The following MUC5B variants were observed in gnomAD, a reference collection of about 807,000 sequenced individuals.
MUC5B encodes mucin 5B, oligomeric mucus/gel-forming.
In MUC5B, 116 loss-of-function variants were observed where a neutral mutation model predicts 376.9. That is an observed-to-expected ratio of 0.31 (90% CI 0.26 to 0.36). MUC5B has a LOEUF of 0.36. Ranked by LOEUF, MUC5B falls within the 10% of genes least tolerant of loss-of-function variation. The pLI is 1.00. For synonymous variants in MUC5B, 3,517 were observed against 3,390.9 expected (o/e 1.04, Z -1.29); for missense variants, 7,165 against 7,769.9 (o/e 0.92, Z 2.93).
chr11:1,250,576 A>T lies in MUC5B; in HGVS notation c.13696A>T (p.Thr4566Ser). Residue 4566 changes from threonine (T) to serine (S), a missense_variant, in exon 31 of 49, where the codon ACC (threonine) becomes TCC (serine). By Grantham distance (58) the Thr-to-Ser change is moderately conservative. This residue lies in a region of MUC5B where 730 missense variants were observed against 592.7 expected (regional missense o/e 1.23). Coordinates refer to ENST00000529681, the MANE Select transcript of MUC5B (RefSeq NM_002458.3). ...PETVHTSTVLTATATTTGATG... is the reference protein window; with the variant it reads ...PETVHTSTVLSATATTTGATG... ...GACTGTCCACACCTCCACAGTGCTT[A>T]CCGCCACGGCCACCACAACCGGGGC... is the stretch of plus-strand genomic sequence containing the variant. The T allele has an allele frequency of 6.2e-7, 1 of 1,613,292 alleles. No homozygotes were observed. Among genetic ancestry groups the T allele is most frequent in the Non-Finnish European group, 8.5e-7 (1 of 1,179,778 alleles).
At chr11:1,231,325 T>G in intron 13 of MUC5B, 98 bp from the exon 14 acceptor site, 1 of 1,389,014 alleles carries the variant, frequency 7.2e-7, no homozygotes, top group Non-Finnish European at 9.6e-7. Context: ...CTCCCGGGTC[T>G]CAGTGGGGTG....
Position 1,227,742 on chromosome 11 carries a change from G to T in MUC5B, c.735G>T (p.Pro245=), listed in dbSNP as rs377758054. 1.4e-6 allele frequency: 1 copy of T among 721,120 alleles called. No homozygotes were observed. The highest frequency in any genetic ancestry group is 1.5e-5 in the South Asian group (1 of 67,822). The allele number at this position is 721,120 out of a possible 1,614,324, so 44.7% of individuals were successfully genotyped here. A position where few individuals can be genotyped will look rare whatever the true frequency, so the allele number is the denominator to read the frequency against. The change falls in exon 7 of 49, where the codon CCG becomes CCT. Residue 245 remains proline (P), a synonymous_variant. Coordinates refer to ENST00000529681, the MANE Select transcript of MUC5B (RefSeq NM_002458.3). ...TGGATGGGCCCACGGAGCAGTGCCC[G>T]GACCCGCTGCCCTTGCCGGCCGGCA... is the stretch of plus-strand genomic sequence containing the variant. ...QKLDGPTEQC[P]DPLPLPAGNC...
chr11:1,237,465 C>A (rs2133819261), intron 25 of MUC5B, among the ~76,000 whole-genome samples: 1 of 152,346 alleles, frequency 6.6e-6, no homozygotes, highest in East Asian at 1.9e-4. Context: ...TAGCCACCCT[C>A]CTCTATGATC....
rs370840771 is a variant in MUC5B at position 1,260,753 on chromosome 11, C to G, written c.17069+25C>G. On this transcript the variant is annotated intron_variant, in intron 48 of 48. Transcript: ENST00000529681. ...AGTGAGTGGGCTCCTGGCCCTGTGCCAAGAGCACCTGCGTGTGGTGGGTCC... is the reference window on the plus strand; with the variant it reads ...AGTGAGTGGGCTCCTGGCCCTGTGCGAAGAGCACCTGCGTGTGGTGGGTCC... The G allele has an allele frequency of 1.5e-5, 24 of 1,555,526 alleles. No homozygotes were observed. The African/African-American group carries it at 2.0e-4, about 13-fold the overall frequency.
At position 1,243,087 on chromosome 11, in the gene MUC5B, G is replaced by C. The variant is rs369350623; in HGVS notation, c.6207G>C (p.Thr2069=). The C allele has an allele frequency of 2.0e-5, 32 of 1,611,026 alleles. No homozygotes were observed. Among genetic ancestry groups the C allele is most frequent in the African/African-American group, 1.9e-4 (14 of 74,422 alleles). Residue 2069 remains threonine (T), a synonymous_variant, in exon 31 of 49, where the codon ACG becomes ACC. Coordinates refer to ENST00000529681, the MANE Select transcript of MUC5B (RefSeq NM_002458.3). ...FTATPSSSPG[T]ALTPPVWIST... ...CCACCCCCTCCTCCAGCCCAGGGAC[G>C]GCACTCACGCCTCCAGTGTGGATCA...
Position 1,233,156 on chromosome 11 carries a change from G to A in MUC5B, c.2209G>A (p.Gly737Ser). The A allele has an allele frequency of 1.2e-6, 2 of 1,606,578 alleles. No individual in the cohort carries two copies. Among genetic ancestry groups the A allele is most frequent in the Non-Finnish European group, 1.7e-6 (2 of 1,179,336 alleles). ...TGTGGACGGCTGCACCTGCCCCGCG[G>A]GCACCTTCCTCAATGACGCGGGCGC... ...VPVDGCTCPA[G>S]TFLNDAGACV... is the part of the protein sequence containing the mutation. Residue 737 changes from glycine to serine, a missense_variant, in exon 18 of 49, where the codon GGC becomes AGC. Physicochemically the swap from Gly to Ser is moderately conservative, Grantham distance 56 (BLOSUM62 0). Around this residue, in one of 31 missense-constraint regions of MUC5B, gnomAD observed 530 missense variants for 604.0 expected, o/e 0.88. Transcript: ENST00000529681.
rs1352422943 is a variant in MUC5B, at chr11:1,246,905, C to T, written c.10025C>T (p.Thr3342Ile). The change falls in exon 31 of 49, where the codon ACC (threonine) becomes ATC (isoleucine). Residue 3342 changes from threonine to isoleucine, a missense_variant. Coordinates refer to ENST00000529681, the MANE Select transcript of MUC5B (RefSeq NM_002458.3). ...ATCAGCACAACCACCACACCCACAA[C>T]CAGAGGCTCCACGGTGACCCCCTCC... The part of the protein sequence containing the change: ...VWISTTTTPT[T>I]RGSTVTPSSI... The T allele has an allele frequency of 3.7e-6, 6 of 1,611,004 alleles. No homozygotes were observed. In the Admixed American group the frequency reaches 6.7e-5, roughly 18 times the overall value.
In MUC5B at chr11:1,250,487, G is replaced by A. The variant is rs542344827; in HGVS notation, c.13607G>A (p.Arg4536His). Residue 4536 changes from arginine (R) to histidine (H), a missense_variant, in exon 31 of 49, where the codon CGC becomes CAC. Transcript: ENST00000529681. ...TCCTCCCTGGGCACCACCTGGACCCGCCTATCACAGACCACCACACCCACG... is the reference window on the plus strand; with the variant it reads ...TCCTCCCTGGGCACCACCTGGACCCACCTATCACAGACCACCACACCCACG... Reference protein sequence around the residue: ...PSSSLGTTWTRLSQTTTPTAT... With the variant: ...PSSSLGTTWTHLSQTTTPTAT... 5.6e-5 allele frequency: 89 copies of A among 1,594,460 alleles called. No homozygotes were observed. Among genetic ancestry groups the A allele is most frequent in the East Asian group, 2.7e-4 (12 of 44,544 alleles).
chr11:1,261,793 C>A lies in MUC5B; in HGVS notation c.*185C>A. 1 of 718,710 alleles carries A rather than the reference C, an allele frequency of 1.4e-6. No individual in the cohort carries two copies. Among genetic ancestry groups the A allele is most frequent in the Non-Finnish European group, 2.5e-6 (1 of 401,738 alleles). The allele number at this position is 718,710 out of a possible 1,614,324, so 44.5% of individuals were successfully genotyped here. ...CAGAAGGGTGAGGGGCCAGCAGGAC[C>A]CCTTTCGGGAGGGCGCCACTCAGGA... On this transcript the variant is annotated 3_prime_UTR_variant, in exon 49 of 49. Transcript: ENST00000529681.
At position 1,253,377 on chromosome 11, in the gene MUC5B, C is replaced by T. The variant is rs929656118; in HGVS notation, c.15217+397C>T. Among the ~76,000 whole-genome samples the T allele has an allele frequency of 7.2e-5, 11 of 152,076 alleles. No individual in the cohort carries two copies. The highest frequency in any genetic ancestry group is 1.3e-4 in the Admixed American group (2 of 15,268). On this transcript the variant is annotated intron_variant, in intron 33 of 48. Coordinates refer to ENST00000529681, the MANE Select transcript of MUC5B (RefSeq NM_002458.3). This position sits in a 1 kb window ranked among gnomAD's most constrained non-coding sequence, Gnocchi z 4.3. ...GTTTGAAAGGGACCCTGCCCAGGGG[C>T]TTCTGGGGCCAGGAGAAGCTCAGGA...
In MUC5B at chr11:1,245,475, G is replaced by A. The variant is rs756902090; in HGVS notation, c.8595G>A (p.Thr2865=). The change falls in exon 31 of 49, where the codon ACG becomes ACA. Residue 2865 remains threonine, a synonymous_variant. Coordinates refer to ENST00000529681, the MANE Select transcript of MUC5B (RefSeq NM_002458.3). The part of the protein sequence containing the change: ...PSSPTSAPIT[T]VVTMGCEPQC... ...GCCCCACATCGGCCCCAATAACCAC[G>A]GTGGTGACCATGGGCTGTGAGCCCC... The A allele has an allele frequency of 1.2e-4, 157 of 1,330,294 alleles. 36 individuals carry two copies. Among genetic ancestry groups the A allele is most frequent in the Middle Eastern group, 2.6e-4 (1 of 3,838 alleles). The allele number at this position is 1,330,294 out of a possible 1,614,324, so 82.4% of individuals were successfully genotyped here. A position where few individuals can be genotyped will look rare whatever the true frequency, so the allele number is the denominator to read the frequency against.
chr11:1,228,782 C>G lies in MUC5B; in HGVS notation c.976+17C>G. Reference sequence around the variant, plus strand: ...AGCTCTGCCGTGAGTGCTCCCAGGGCCTTCGCCAGGGATTGTGCCAGAGAG... The same window carrying G: ...AGCTCTGCCGTGAGTGCTCCCAGGGGCTTCGCCAGGGATTGTGCCAGAGAG... On this transcript the variant is annotated intron_variant, in intron 8 of 48. Transcript: ENST00000529681. 1 of 1,475,962 alleles carries G rather than the reference C, an allele frequency of 6.8e-7. No individual in the cohort carries two copies. The highest frequency in any genetic ancestry group is 9.0e-7 in the Non-Finnish European group (1 of 1,110,050). The allele number at this position is 1,475,962 out of a possible 1,614,324, so 91.4% of individuals were successfully genotyped here.
Position 1,261,992 on chromosome 11 carries a change from G to A in MUC5B, c.*384G>A. On this transcript the variant is annotated 3_prime_UTR_variant, in exon 49 of 49. Transcript: ENST00000529681. ...TCCGGCCGCTGGGGCAGACAGGCTG[G>A]TCCAGGCAAGGCCAGCTGCTGCCAG... The A allele has an allele frequency of 2.0e-6, 1 of 493,120 alleles. No individual in the cohort carries two copies. Among genetic ancestry groups the A allele is most frequent in the Non-Finnish European group, 4.0e-6 (1 of 250,130 alleles). The allele number at this position is 493,120 out of a possible 1,614,324, so 30.5% of individuals were successfully genotyped here.
Position 1,226,641 on chromosome 11 carries a change from G to T in MUC5B, c.226G>T (p.Val76Leu), listed in dbSNP as rs767460423. 1.3e-5 allele frequency: 21 copies of T among 1,611,346 alleles called. No individual in the cohort carries two copies. Among genetic ancestry groups the T allele is most frequent in the Non-Finnish European group, 1.8e-5 (21 of 1,179,310 alleles). ...SPLNPAHNGR[V>L]CSTWGDFHYK... ...CCTGAACCCGGCGCACAATGGGCGG[G>T]TGTGCAGCACCTGGGGTGACTTCCA... The change falls in exon 4 of 49, where the codon GTG becomes TTG. Residue 76 changes from valine to leucine, a missense_variant. By Grantham distance (32) the Val-to-Leu change is conservative. Coordinates refer to ENST00000529681, the MANE Select transcript of MUC5B (RefSeq NM_002458.3).
chr11:1,232,334 A>C, intron 15 of MUC5B, 116 bp from the exon 16 acceptor site: 1 of 1,359,918 alleles, frequency 7.4e-7, no homozygotes, highest in Non-Finnish European at 1.0e-6. Flanking sequence ...AAGGCGCAGC[A>C]GGTGAGCCGC....
At position 1,240,283 on chromosome 11, in the gene MUC5B, G is replaced by A; in HGVS notation, c.3878G>A (p.Gly1293Asp). Residue 1293 changes from glycine (G) to aspartate (D), a missense_variant, in exon 30 of 49, where the codon GGC (glycine) becomes GAC (aspartate). Around this residue, in one of 31 missense-constraint regions of MUC5B, gnomAD observed 517 missense variants for 545.3 expected, o/e 0.95. Coordinates refer to ENST00000529681, the MANE Select transcript of MUC5B (RefSeq NM_002458.3). ...TTGATCGCCATCTGCGGAAGCAACG[G>A]CACCATCATCAGGAAGGCTGTGGCA... The part of the protein sequence containing the change: ...ACLIAICGSN[G>D]TIIRKAVACP... The A allele has an allele frequency of 2.5e-6, 4 of 1,613,658 alleles. No homozygotes were observed. The highest frequency in any genetic ancestry group is 3.4e-6 in the Non-Finnish European group (4 of 1,179,686).
Position 1,249,903 on chromosome 11 carries a change from C to A in MUC5B, c.13023C>A (p.Thr4341=). 6.2e-7 allele frequency: 1 copy of A among 1,613,688 alleles called. No individual in the cohort carries two copies. Among genetic ancestry groups the A allele is most frequent in the South Asian group, 1.1e-5 (1 of 91,066 alleles). ...LGTTGTLPEQ[T]TTPVATMSTI... is the part of the protein sequence containing the mutation. ...CCACCGGGACCCTCCCAGAACAGAC[C>A]ACCACACCCGTGGCCACCATGTCCA... The change falls in exon 31 of 49, where the codon ACC becomes ACA. Residue 4341 remains threonine (T), a synonymous_variant. Transcript: ENST00000529681.
In MUC5B at chr11:1,254,838, C is replaced by G; in HGVS notation, c.15622C>G (p.Leu5208Val). 1 of 1,612,382 alleles carries G rather than the reference C, an allele frequency of 6.2e-7. No homozygotes were observed. Among genetic ancestry groups the G allele is most frequent in the Non-Finnish European group, 8.5e-7 (1 of 1,179,780 alleles). ...TFNGQVFQAR[L>V]PYSLFHNNTE... is the part of the protein sequence containing the mutation. Reference sequence around the variant, plus strand: ...CAATGGCCAAGTCTTCCAGGCCCGGCTGCCCTACAGCCTCTTCCACAACAA... The same window carrying G: ...CAATGGCCAAGTCTTCCAGGCCCGGGTGCCCTACAGCCTCTTCCACAACAA... Residue 5208 changes from leucine to valine, a missense_variant, in exon 35 of 49, where the codon CTG (leucine) becomes GTG (valine). Coordinates refer to ENST00000529681, the MANE Select transcript of MUC5B (RefSeq NM_002458.3).
intron 46 of MUC5B, 73 bp from the exon 47 acceptor site, chr11:1,260,278 C>T (rs756767415): frequency 3.3e-6 from 5 of 1,514,696 alleles, no homozygotes; most frequent in Admixed American, 1.7e-5. Flanking sequence ...CCGGGTGGGC[C>T]CCTCCCCAGG....
Sources: gnomAD v4.1 joint callset for allele counts (sites outside exome capture counted in the v4.1 genomes callset) on GRCh38, gnomAD v4.1.1 for gene constraint, gnomAD v4.1.1 regional missense constraint, Gnocchi (gnomAD v3.1) non-coding constraint, MANE v1.5 for transcripts, NCBI Gene and HGNC (gene_info 2026-07-23, HGNC 2026-07-21) for gene names.